The following ABCG8 variants were observed in gnomAD, a reference collection of about 807,000 sequenced individuals.
ABCG8 encodes the protein ATP-binding cassette sub-family G member 8.
In ABCG8, 81 loss-of-function variants were observed where a neutral mutation model predicts 71.3. The ratio of observed to expected loss-of-function variants is 1.14; its 90% confidence interval spans 0.95 to 1.37. The LOEUF (loss-of-function observed/expected upper bound fraction) is 1.37. Ranked by LOEUF, ABCG8 falls within the 40% of genes most tolerant of loss-of-function variation. The probability of loss-of-function intolerance (pLI) is 0.00; values close to 1 mark genes in which losing one functional copy is unlikely to be tolerated. For missense variants in ABCG8, 1,119 were observed against 866.2 expected, an observed-to-expected ratio of 1.29 and a Z score of -3.66; for synonymous variants, 451 against 354.7, an observed-to-expected ratio of 1.27 and a Z score of -3.05.
rs1203432961 is a variant in ABCG8, at chr2:43,881,655, G to A, written c.*3742G>A. 1 of 146,292 alleles carries A rather than the reference G, an allele frequency of 6.8e-6. No homozygotes were observed. The highest frequency in any genetic ancestry group is 1.5e-5 in the Non-Finnish European group (1 of 67,396). The allele number at this position is 146,292 out of a possible 1,614,324, so 9.1% of individuals were successfully genotyped here. A position where few individuals can be genotyped will look rare whatever the true frequency, so the allele number is the denominator to read the frequency against. ...ATCCGGGAGGCAGAGGTTGCAGTGA[G>A]CCGAGATTGAGCCACCGCACTCCAG... On this transcript the variant is annotated 3_prime_UTR_variant, in exon 13 of 13. Coordinates refer to ENST00000272286, the MANE Select transcript of ABCG8 (RefSeq NM_022437.3).
intron 6 of ABCG8, among the ~76,000 whole-genome samples, chr2:43,856,880 C>T (rs1363883926): frequency 6.6e-6 from 1 of 151,408 alleles, no homozygotes; most frequent in Non-Finnish European, 1.5e-5. Flanking sequence ...CTCTCACTAT[C>T]TGTCTGGTAG....
chr2:43,842,851 G>A (rs1668623557), intron 1 of ABCG8, among the ~76,000 whole-genome samples: 1 of 151,974 alleles, frequency 6.6e-6, no homozygotes, highest in South Asian at 2.1e-4. Flanking sequence ...ACTTTCGTCT[G>A]CTGTTTTTCA....
At chr2:43,865,760 T>G (rs954465545) in intron 6 of ABCG8, among the ~76,000 whole-genome samples, 7 of 151,974 alleles carry the variant, frequency 4.6e-5, no homozygotes, top group Non-Finnish European at 1.5e-5. Context: ...TGGATAGAAG[T>G]CTCACTATCA....
At position 43,869,948 on chromosome 2, in the gene ABCG8, G is replaced by A. The variant is rs191616481; in HGVS notation, c.965-2028G>A. On this transcript the variant is annotated intron_variant, in intron 6 of 12. Transcript: ENST00000272286. ...CCATCTGGATGGAATTCTCACTGTC[G>A]ATCACGTTGGAATTCTCACTCTGTG... 4.1e-5 allele frequency among the ~76,000 whole-genome samples: 6 copies of A among 146,880 alleles called. No homozygotes were observed. The East Asian group carries it at 6.4e-4, about 16-fold the overall frequency.
chr2:43,859,321 A>C (rs1381235138), intron 6 of ABCG8, among the ~76,000 whole-genome samples: 1 of 151,488 alleles, frequency 6.6e-6, no homozygotes, highest in Non-Finnish European at 1.5e-5. Flanking sequence ...ATCTGGATAG[A>C]ATTCTCGCCA....
At chr2:43,864,542 C>T (rs1245092564) in intron 6 of ABCG8, among the ~76,000 whole-genome samples, 1 of 151,770 alleles carries the variant, frequency 6.6e-6, no homozygotes, top group Non-Finnish European at 1.5e-5. Flanking sequence ...GTAGAATTCT[C>T]TCCATCTGTA....
intron 6 of ABCG8, among the ~76,000 whole-genome samples, chr2:43,867,777 T>A (rs1422762609): frequency 6.6e-6 from 1 of 150,400 alleles, no homozygotes; most frequent in East Asian, 2.0e-4. Flanking sequence ...CTGGAAGGAA[T>A]TCTCACCATC....
At position 43,859,383 on chromosome 2, in the gene ABCG8, G is replaced by A. The variant is rs916225338; in HGVS notation, c.964+6515G>A. On this transcript the variant is annotated intron_variant, in intron 6 of 12. Coordinates refer to ENST00000272286, the MANE Select transcript of ABCG8 (RefSeq NM_022437.3). ...TGTCTAGATAGAATTTTCACCATCTGGATAGCGCTCTTACTATCTGGATAG... is the reference window on the plus strand; with the variant it reads ...TGTCTAGATAGAATTTTCACCATCTAGATAGCGCTCTTACTATCTGGATAG... Among the ~76,000 whole-genome samples, 3 of 149,398 alleles carry A rather than the reference G, an allele frequency of 2.0e-5. No homozygotes were observed. In the South Asian group the frequency reaches 6.4e-4, roughly 32 times the overall value.
intron 2 of ABCG8, among the ~76,000 whole-genome samples, chr2:43,845,096 G>GTA (rs1286671437): frequency 0.021 from 2,871 of 134,586 alleles, 21 homozygotes; most frequent in East Asian, 0.032. Flanking sequence ...GTGTGTGTGT[G>GTA]TGTATATATA....
intron 8 of ABCG8, among the ~76,000 whole-genome samples, chr2:43,873,214 A>G (rs1009745684): frequency 1.3e-5 from 2 of 149,350 alleles, no homozygotes; most frequent in African/African-American, 2.5e-5. Context: ...TTTAACACAG[A>G]GTCTCTCTCT....
intron 10 of ABCG8, 42 bp from the exon 11 acceptor site, chr2:43,875,104 A>C: frequency 6.2e-7 from 1 of 1,613,930 alleles, no homozygotes; most frequent in East Asian, 2.2e-5. Context: ...AATGGCAGTG[A>C]AGGTGCTGGC....
intron 6 of ABCG8, among the ~76,000 whole-genome samples, chr2:43,859,245 C>T (rs1669220229): frequency 2.0e-5 from 3 of 151,296 alleles, no homozygotes; most frequent in African/African-American, 7.3e-5. Context: ...AGAATTCTCA[C>T]ACTCTGGATA....
intron 6 of ABCG8, among the ~76,000 whole-genome samples, chr2:43,867,112 C>T (rs1456257779): frequency 1.3e-5 from 2 of 149,390 alleles, no homozygotes; most frequent in Non-Finnish European, 2.9e-5. Context: ...AACCAAACAC[C>T]GCATGTTCTC....
chr2:43,859,029 T>G (rs1444755606), intron 6 of ABCG8, among the ~76,000 whole-genome samples: 2 of 151,644 alleles, frequency 1.3e-5, no homozygotes, highest in Non-Finnish European at 3.0e-5. Flanking sequence ...ACTATCTATC[T>G]GGATAGAATT....
chr2:43,870,797 T>G (rs1669737364), intron 6 of ABCG8, among the ~76,000 whole-genome samples: 1 of 151,930 alleles, frequency 6.6e-6, no homozygotes, highest in African/African-American at 2.4e-5. Context: ...GGATAGAATC[T>G]CACTATCTAG....
At chr2:43,856,620 A>T (rs1224392138) in intron 6 of ABCG8, among the ~76,000 whole-genome samples, 1 of 146,208 alleles carries the variant, frequency 6.8e-6, no homozygotes, top group African/African-American at 2.6e-5. Flanking sequence ...TCTGAATAGA[A>T]CTCTCTATCC....
chr2:43,846,207 T>C lies in ABCG8; in HGVS notation c.218T>C (p.Met73Thr), dbSNP rs1316720986. The C allele has an allele frequency of 6.2e-7, 1 of 1,613,988 alleles. No homozygotes were observed. The highest frequency in any genetic ancestry group is 8.5e-7 in the Non-Finnish European group (1 of 1,180,038). Residue 73 changes from methionine (M) to threonine (T), a missense_variant, in exon 3 of 13, where the codon ATG becomes ACG. Physicochemically the swap from Met to Thr is moderately conservative, Grantham distance 81. Transcript: ENST00000272286. Reference protein sequence around the residue: ...PWFEQLAQFKMPWTSPSCQNS... With the variant: ...PWFEQLAQFKTPWTSPSCQNS... ...TTTGAGCAGCTGGCTCAGTTCAAGA[T>C]GCCCTGGACATCTCCCAGCTGCCAG...
chr2:43,851,315 A>AG (rs1415229550), intron 3 of ABCG8, among the ~76,000 whole-genome samples: 1 of 152,234 alleles, frequency 6.6e-6, no homozygotes, highest in African/African-American at 2.4e-5. Flanking sequence ...CTGTCAGGCC[A>AG]CCACTGGCTG....
intron 6 of ABCG8, among the ~76,000 whole-genome samples, chr2:43,859,665 C>A (rs1418336509): frequency 6.6e-6 from 1 of 151,114 alleles, no homozygotes; most frequent in Non-Finnish European, 1.5e-5. Flanking sequence ...AGATAGAACT[C>A]TCACTATCTG....
Sources: allele counts gnomAD v4.1 joint callset (sites outside exome capture counted in the v4.1 genomes callset), GRCh38; gene constraint gnomAD v4.1.1; transcripts MANE v1.5; gene names NCBI Gene and HGNC (gene_info 2026-07-23, HGNC 2026-07-21).